Variants in ESR1 observed in about 807,000 individuals in gnomAD.
The protein encoded by ESR1 is estrogen receptor 1.
ESR1 carries 12 observed loss-of-function variants against 52.7 expected under a neutral mutation model. The observed-to-expected ratio is 0.23, with a 90% confidence interval of 0.15 to 0.37. The LOEUF (loss-of-function observed/expected upper bound fraction) is 0.37, where lower values mean the gene tolerates loss of function less well. Ranked by LOEUF, ESR1 falls within the 10% of genes least tolerant of loss-of-function variation. The pLI is 1.00. For synonymous variants in ESR1, 305 were observed against 316.8 expected, an observed-to-expected ratio of 0.96 and a Z score of 0.39; for missense variants, 584 against 779.7, an observed-to-expected ratio of 0.75 and a Z score of 2.99.
At chr6:151,714,796 G>A (rs1379654005) in intron 2 of ESR1, among the ~76,000 whole-genome samples, 1 of 152,060 alleles carries the variant, frequency 6.6e-6, no homozygotes, top group East Asian at 1.9e-4. Context: ...TATCCAGTTT[G>A]CCAGTCTGTG....
At chr6:151,889,662 C>T (rs1794409719) in intron 3 of ESR1, among the ~76,000 whole-genome samples, 1 of 151,920 alleles carries the variant, frequency 6.6e-6, no homozygotes, top group South Asian at 2.1e-4. Flanking sequence ...ATTTATTTTT[C>T]CTCCGATCTT....
At chr6:152,084,273 G>A (rs753891457) in intron 6 of ESR1, among the ~76,000 whole-genome samples, 2 of 151,798 alleles carry the variant, frequency 1.3e-5, no homozygotes, top group Non-Finnish European at 2.9e-5. Context: ...GGCCTGTCAG[G>A]GGTTGGGGGG....
intron 2 of ESR1, among the ~76,000 whole-genome samples, chr6:151,877,752 T>C (rs1349369690): frequency 1.3e-5 from 2 of 152,178 alleles, no homozygotes; most frequent in Non-Finnish European, 2.9e-5. Flanking sequence ...AATATTTGGT[T>C]TGAATGGTTA....
intron 1 of ESR1, among the ~76,000 whole-genome samples, chr6:151,694,586 G>A (rs1172663365): frequency 6.6e-6 from 1 of 152,066 alleles, no homozygotes; most frequent in Admixed American, 6.5e-5. Flanking sequence ...TCAAGAGTTC[G>A]TGACCAGCCT....
rs183701609 is a variant in ESR1 at position 152,095,728 on chromosome 6, C to T, written c.1553+1160C>T. Among the ~76,000 whole-genome samples the T allele has an allele frequency of 2.0e-4, 31 of 152,280 alleles. 1 individual carries two copies. The highest frequency in any genetic ancestry group is 1.8e-3 in the Admixed American group (27 of 15,294). On this transcript the variant is annotated intron_variant, in intron 7 of 7. Coordinates refer to ENST00000206249, the MANE Select transcript of ESR1 (RefSeq NM_000125.4). ...ATCTCACTCCTTGCAGGAAGCATCTCCTAATCCTTAAGACCTAGTTGGAAC... is the reference window on the plus strand; with the variant it reads ...ATCTCACTCCTTGCAGGAAGCATCTTCTAATCCTTAAGACCTAGTTGGAAC...
chr6:152,030,394 T>A (rs1435574186), intron 5 of ESR1, among the ~76,000 whole-genome samples: 1 of 151,822 alleles, frequency 6.6e-6, no homozygotes, highest in African/African-American at 2.4e-5. Context: ...AGGAAACCCA[T>A]CTCACGTGCA....
intron 1 of ESR1, among the ~76,000 whole-genome samples, chr6:151,663,607 G>A (rs751436060): frequency 2.0e-5 from 3 of 152,126 alleles, no homozygotes; most frequent in Non-Finnish European, 4.4e-5. Context: ...TCAATATCAT[G>A]CATTTTTTTT....
chr6:151,977,951 G>GAAAAA (rs576847510), intron 4 of ESR1, among the ~76,000 whole-genome samples: 1 of 68,746 alleles, frequency 1.5e-5, no homozygotes, highest in African/African-American at 6.4e-5. Flanking sequence ...GAGACAGCAG[G>GAAAAA]AAAAAAAAAA....
intron 5 of ESR1, among the ~76,000 whole-genome samples, chr6:152,024,706 T>C (rs1042531729): frequency 1.4e-5 from 2 of 147,760 alleles, no homozygotes; most frequent in Middle Eastern, 3.3e-3. Context: ...AATACATAAA[T>C]ATATTTTAAT....
chr6:151,714,156 G>C (rs1202835913), intron 2 of ESR1, among the ~76,000 whole-genome samples: 1 of 152,182 alleles, frequency 6.6e-6, no homozygotes, highest in Non-Finnish European at 1.5e-5. Flanking sequence ...AGTTTTGAGT[G>C]AGTTTCTTAA....
chr6:151,778,053 C>G (rs1786181948), intron 2 of ESR1, among the ~76,000 whole-genome samples: 1 of 152,038 alleles, frequency 6.6e-6, no homozygotes, highest in African/African-American at 2.4e-5. Flanking sequence ...ACTTAACTAC[C>G]CAAGACGCAA....
At chr6:151,743,722 C>A (rs1783271751) in intron 2 of ESR1, among the ~76,000 whole-genome samples, 1 of 152,172 alleles carries the variant, frequency 6.6e-6, no homozygotes, top group Non-Finnish European at 1.5e-5. Flanking sequence ...CACACAAAGA[C>A]TCTCCCAATG....
intron 2 of ESR1, among the ~76,000 whole-genome samples, chr6:151,779,784 T>C (rs1045457046): frequency 4.6e-5 from 7 of 150,618 alleles, no homozygotes; most frequent in African/African-American, 1.7e-4. Flanking sequence ...CAAATGTCCA[T>C]CAATGTTTGA....
intron 2 of ESR1, among the ~76,000 whole-genome samples, chr6:151,769,347 T>C (rs1228883268): frequency 6.6e-6 from 1 of 152,212 alleles, no homozygotes; most frequent in Non-Finnish European, 1.5e-5. Context: ...ACTATTATAG[T>C]CTTTTTATAC....
intron 2 of ESR1, among the ~76,000 whole-genome samples, chr6:151,775,973 G>A (rs1785951031): frequency 6.6e-6 from 1 of 152,180 alleles, no homozygotes; most frequent in Non-Finnish European, 1.5e-5. Context: ...TTGTGGTCAG[G>A]AAGTCAGTTT....
intron 2 of ESR1, among the ~76,000 whole-genome samples, chr6:151,753,254 A>C (rs1320088702): frequency 2.6e-5 from 4 of 152,046 alleles, no homozygotes; most frequent in African/African-American, 9.7e-5. Context: ...ATTTCTATAT[A>C]CACAAACCAG....
rs1012188744 is a variant in ESR1 at position 152,070,774 on chromosome 6, C to T, written c.1369+9650C>T. On this transcript the variant is annotated intron_variant, in intron 6 of 7. Transcript: ENST00000206249. ...AGCTTCCACCTCTTCCAGCACTTTC[C>T]GCCAGAGGGCCCGTGGCTGCTTTTG... Among the ~76,000 whole-genome samples, 48 of 139,212 alleles carry T rather than the reference C, an allele frequency of 3.4e-4. 15 individuals are homozygous for T. Among genetic ancestry groups the T allele is most frequent in the African/African-American group, 1.4e-3 (45 of 31,896 alleles). 91.3% of individuals were successfully genotyped at this position (139,212 alleles called of 152,430 possible).
chr6:151,669,917 G>T (rs192634165), intron 1 of ESR1, among the ~76,000 whole-genome samples: 225 of 152,294 alleles, frequency 1.5e-3, no homozygotes, highest in Middle Eastern at 6.8e-3. Context: ...AGAAATGGAA[G>T]ACACGGAAGA....
chr6:152,012,930 T>C (rs982271540), intron 5 of ESR1, among the ~76,000 whole-genome samples: 1 of 152,208 alleles, frequency 6.6e-6, no homozygotes, highest in Admixed American at 6.5e-5. Flanking sequence ...TGCAGCAAAA[T>C]TTATTTAAGT....
Sources: gnomAD v4.1 joint callset for allele counts (sites outside exome capture counted in the v4.1 genomes callset) on GRCh38, gnomAD v4.1.1 for gene constraint, MANE v1.5 for transcripts, NCBI Gene and HGNC (gene_info 2026-07-23, HGNC 2026-07-21) for gene names.